The following THOP1 variants were observed in gnomAD, a reference collection of about 807,000 sequenced individuals.
The protein encoded by THOP1 is thimet oligopeptidase 1, also known as thimet oligopeptidase.
A neutral mutation model predicts 71.8 loss-of-function variants in THOP1; 49 were observed. The observed-to-expected ratio is 0.68, with a 90% CI of 0.54 to 0.87. The LOEUF (loss-of-function observed/expected upper bound fraction) is 0.87, where lower values mean the gene tolerates loss of function less well. THOP1 is among the 40% of genes least tolerant of loss of function. The pLI, the probability that THOP1 is intolerant of heterozygous loss-of-function variation, is 0.00. For missense variants in THOP1, 843 were observed against 975.6 expected (o/e 0.86, Z 1.81); for synonymous variants, 426 against 421.5 (o/e 1.01, Z -0.13).
chr19:2,787,280 C>G (rs959509889), intron 1 of THOP1, among the ~76,000 whole-genome samples: 3 of 152,194 alleles, frequency 2.0e-5, no homozygotes, highest in Admixed American at 2.0e-4. Flanking sequence ...CACACTCCCC[C>G]AGCTCTTTGT....
intron 4 of THOP1, among the ~76,000 whole-genome samples, chr19:2,796,699 A>C (rs145842083): frequency 2.0e-5 from 3 of 151,954 alleles, no homozygotes; most frequent in Non-Finnish European, 4.4e-5. Context: ...GGGCGTGGCC[A>C]GTGGAGCTTC....
chr19:2,811,672 G>A lies in THOP1; in HGVS notation c.1846G>A (p.Glu616Lys), dbSNP rs537892708. 6.8e-6 allele frequency: 11 copies of A among 1,613,470 alleles called. No individual in the cohort carries two copies. The highest frequency in any genetic ancestry group is 3.3e-5 in the South Asian group (3 of 91,080). The change falls in exon 12 of 13, where the codon GAG becomes AAG. Residue 616 changes from glutamate to lysine, a missense_variant. Physicochemically the swap from Glu to Lys is moderately conservative, Grantham distance 56. Transcript: ENST00000307741. ...CCAGTACTACGGGTACCTGTGGAGC[G>A]AGGTGTATTCCATGGACATGTTCCA... ...DAQYYGYLWS[E>K]VYSMDMFHTR...
chr19:2,805,287 A>G lies in THOP1; in HGVS notation c.750+111A>G, dbSNP rs762867657. On this transcript the variant is annotated intron_variant, in intron 6 of 12. Coordinates refer to ENST00000307741, the MANE Select transcript of THOP1 (RefSeq NM_003249.5). This position sits in a 1 kb window ranked among gnomAD's most constrained non-coding sequence, Gnocchi z 6.6. ...GGCTTTGCACTTGGATGGCCTCCCA[A>G]TCTCCCTGGCCAGGCCCAGTGGCCA... The G allele has an allele frequency of 1.1e-4, 141 of 1,307,054 alleles. No homozygotes were observed. Among genetic ancestry groups the G allele is most frequent in the Non-Finnish European group, 1.4e-4 (135 of 972,678 alleles). 81.0% of individuals were successfully genotyped at this position (1,307,054 alleles called of 1,614,324 possible). A position where few individuals can be genotyped will look rare whatever the true frequency, so the allele number is the denominator to read the frequency against.
chr19:2,803,931 C>G (rs1475971521), intron 5 of THOP1, among the ~76,000 whole-genome samples: 1 of 152,026 alleles, frequency 6.6e-6, no homozygotes, highest in Admixed American at 6.5e-5. Flanking sequence ...CCCCTACTGC[C>G]CTGGGGTCGG....
chr19:2,788,907 C>T (rs532837719), intron 1 of THOP1, among the ~76,000 whole-genome samples: 4 of 152,176 alleles, frequency 2.6e-5, no homozygotes, highest in Admixed American at 6.5e-5. Context: ...ATTACAAGCC[C>T]GCACCACCAC....
Position 2,790,640 on chromosome 19 carries a change from C to T in THOP1, c.229+7C>T. Reference sequence around the variant, plus strand: ...GTGGAGGTCACCTACACAGGTAAGTCCCAGGCAGGGTCTGTGCGTGGGCCG... The same window carrying T: ...GTGGAGGTCACCTACACAGGTAAGTTCCAGGCAGGGTCTGTGCGTGGGCCG... On this transcript the variant is annotated splice_region_variant and intron_variant, in intron 2 of 12. Coordinates refer to ENST00000307741, the MANE Select transcript of THOP1 (RefSeq NM_003249.5). The T allele has an allele frequency of 6.5e-7, 1 of 1,538,352 alleles. No individual in the cohort carries two copies. The highest frequency in any genetic ancestry group is 8.7e-7 in the Non-Finnish European group (1 of 1,143,084).
intron 9 of THOP1, chr19:2,810,082 G>A (rs1916416673): frequency 6.8e-6 from 4 of 586,806 alleles, no homozygotes; most frequent in Non-Finnish European, 8.9e-6. Flanking sequence ...ACGGGGTCAT[G>A]TGGCCGGCAT....
rs550864750 is a variant in THOP1 at position 2,811,267 on chromosome 19, A to G, written c.1772-331A>G. 3.9e-5 allele frequency among the ~76,000 whole-genome samples: 6 copies of G among 152,342 alleles called. No homozygotes were observed. The South Asian group carries it at 1.2e-3, about 32-fold the overall frequency. On this transcript the variant is annotated intron_variant, in intron 11 of 12. Transcript: ENST00000307741. Reference sequence around the variant, plus strand: ...CTCCATAGACTTCAAAAATCTTTCCAAAAGCGTTTTCAGCAGCGTGGCCTG... The same window carrying G: ...CTCCATAGACTTCAAAAATCTTTCCGAAAGCGTTTTCAGCAGCGTGGCCTG...
In THOP1 at chr19:2,815,279, G is replaced by A. The variant is rs1370991704; in HGVS notation, c.*2003G>A. On this transcript the variant is annotated 3_prime_UTR_variant, in exon 13 of 13. Transcript: ENST00000307741. ...CACAGCCTTGTCACACACACAGCCTGGCCCATCACAGCAGAGCTGGGGTCA... is the reference window on the plus strand; with the variant it reads ...CACAGCCTTGTCACACACACAGCCTAGCCCATCACAGCAGAGCTGGGGTCA... The A allele has an allele frequency of 6.6e-6, 1 of 152,368 alleles. No individual in the cohort carries two copies. Among genetic ancestry groups the A allele is most frequent in the African/African-American group, 2.4e-5 (1 of 41,430 alleles). 9.4% of individuals were successfully genotyped at this position (152,368 alleles called of 1,614,324 possible).
rs1289476679 is a variant in THOP1 at position 2,807,822 on chromosome 19, G to T, written c.1253+14G>T. ...CCTGTACCCGCGGTGGGTGAGGGCA[G>T]CGGGGGCGGGGGGCGCACCCCGGCC... is the stretch of plus-strand genomic sequence containing the variant. On this transcript the variant is annotated intron_variant, in intron 8 of 12. Coordinates refer to ENST00000307741, the MANE Select transcript of THOP1 (RefSeq NM_003249.5). 2 of 1,455,498 alleles carry T rather than the reference G, an allele frequency of 1.4e-6. No individual in the cohort carries two copies. Among genetic ancestry groups the T allele is most frequent in the South Asian group, 2.9e-5 (2 of 70,064 alleles). The allele number at this position is 1,455,498 out of a possible 1,614,324, so 90.2% of individuals were successfully genotyped here.
chr19:2,798,049 CA>C (rs1481849924), intron 4 of THOP1, among the ~76,000 whole-genome samples: 2 of 152,136 alleles, frequency 1.3e-5, no homozygotes, highest in African/African-American at 2.4e-5. Flanking sequence ...TTTATTTAGA[CA>C]GGGAGTCACA....
At position 2,785,597 on chromosome 19, in the gene THOP1, G is replaced by A; in HGVS notation, c.-66G>A. The A allele has an allele frequency of 1.3e-6, 2 of 1,484,082 alleles. No individual in the cohort carries two copies. The highest frequency in any genetic ancestry group is 1.3e-5 in the South Asian group (1 of 77,212). The allele number at this position is 1,484,082 out of a possible 1,614,324, so 91.9% of individuals were successfully genotyped here. On this transcript the variant is annotated 5_prime_UTR_variant, in exon 1 of 13. Transcript: ENST00000307741. ...TGGGCCGAGGCAGGCGGCCTCAGTGGCCGAGGTGGCTGGACGCGTAGCAGG... is the reference window on the plus strand; with the variant it reads ...TGGGCCGAGGCAGGCGGCCTCAGTGACCGAGGTGGCTGGACGCGTAGCAGG...
chr19:2,799,053 C>T (rs768560024), intron 4 of THOP1, among the ~76,000 whole-genome samples: 2 of 152,202 alleles, frequency 1.3e-5, no homozygotes, highest in Non-Finnish European at 2.9e-5. Context: ...CTGCCAGACA[C>T]GGTGACTCAT....
At chr19:2,812,464 CT>C (rs2144787195) in intron 12 of THOP1, 12 of 1,365,564 alleles carry the variant, frequency 8.8e-6, no homozygotes, top group Middle Eastern at 2.7e-4. Context: ...GACAAGCCCC[CT>C]GTCTTCACAG....
At chr19:2,811,261 C>A (rs1273315975) in intron 11 of THOP1, among the ~76,000 whole-genome samples, 1 of 152,236 alleles carries the variant, frequency 6.6e-6, no homozygotes, top group Non-Finnish European at 1.5e-5. Context: ...CTTCAAAAAT[C>A]TTTCCAAAAG....
At chr19:2,794,589 C>T (rs1281878601) in intron 2 of THOP1, among the ~76,000 whole-genome samples, 175 bp from the exon 3 acceptor site, 1 of 152,188 alleles carries the variant, frequency 6.6e-6, no homozygotes, top group East Asian at 1.9e-4. Context: ...TCCCAGGGCC[C>T]AGCCTGGAGG....
intron 12 of THOP1, among the ~76,000 whole-genome samples, chr19:2,812,854 G>C (rs149445732): frequency 6.6e-6 from 1 of 152,350 alleles, no homozygotes; most frequent in Non-Finnish European, 1.5e-5. Context: ...ATTTCAGTGG[G>C]GGCTGATGGC....
chr19:2,799,886 C>A lies in THOP1; in HGVS notation c.589+95C>A. 6 of 1,174,152 alleles carry A rather than the reference C, an allele frequency of 5.1e-6. No homozygotes were observed. The South Asian group carries it at 5.1e-5, about 10-fold the overall frequency. 72.7% of individuals were successfully genotyped at this position (1,174,152 alleles called of 1,614,324 possible). A position where few individuals can be genotyped will look rare whatever the true frequency, so the allele number is the denominator to read the frequency against. Reference sequence around the variant, plus strand: ...GGGGGCCGCCGCTTCCTCCTGTGGGCTTCTGTGCTGAAGGGCGGCGGGAGG... The same window carrying A: ...GGGGGCCGCCGCTTCCTCCTGTGGGATTCTGTGCTGAAGGGCGGCGGGAGG... On this transcript the variant is annotated intron_variant, in intron 5 of 12. Transcript: ENST00000307741.
intron 1 of THOP1, among the ~76,000 whole-genome samples, chr19:2,787,946 T>A (rs2144755105): frequency 6.6e-6 from 1 of 152,270 alleles, no homozygotes; most frequent in Middle Eastern, 3.4e-3. Flanking sequence ...GTAATTTGAT[T>A]TCGGAGTGCT....
Sources: gnomAD v4.1 joint callset for allele counts (sites outside exome capture counted in the v4.1 genomes callset) on GRCh38, gnomAD v4.1.1 for gene constraint, Gnocchi (gnomAD v3.1) non-coding constraint, MANE v1.5 for transcripts, NCBI Gene and HGNC (gene_info 2026-07-23, HGNC 2026-07-21) for gene names.